Variants in HEPH observed in about 807,000 individuals in gnomAD.
HEPH encodes hephaestin.
In HEPH, 69 loss-of-function variants were observed where a neutral mutation model predicts 80.8. That is an observed-to-expected ratio of 0.85 (90% CI 0.70 to 1.04). HEPH has a LOEUF of 1.04. HEPH is among the 50% of genes least tolerant of loss of function. The probability of loss-of-function intolerance (pLI) is 0.00; values close to 1 mark genes in which losing one functional copy is unlikely to be tolerated. For missense variants in HEPH, 1,115 were observed against 891.3 expected (o/e 1.25, Z -3.20); for synonymous variants, 431 against 322.8 (o/e 1.34, Z -3.60).
chrX:66,198,351 T>A (rs1401210929), intron 10 of HEPH, among the ~76,000 whole-genome samples: 1 of 111,995 alleles, frequency 8.9e-6, no homozygotes, highest in Non-Finnish European at 1.9e-5. Context: ...TTTCCTCATT[T>A]GTAAAAATGG....
At chrX:66,258,403 T>A (rs761483100) in intron 17 of HEPH, among the ~76,000 whole-genome samples, 3 of 111,317 alleles carry the variant, frequency 2.7e-5, no homozygotes, top group Non-Finnish European at 5.7e-5. Flanking sequence ...TAGTAGGGAA[T>A]CTTAGAAACA....
chrX:66,176,929 A>T (rs1268643869), intron 4 of HEPH, among the ~76,000 whole-genome samples: 1 of 111,517 alleles, frequency 9.0e-6, no homozygotes, highest in Admixed American at 9.6e-5. Flanking sequence ...TGTCTAAAAC[A>T]CCAAAAGCAA....
Position 66,255,096 on chromosome X carries a change from T to C in HEPH, c.2625T>C (p.Ser875=), listed in dbSNP as rs780362408. The C allele has an allele frequency of 3.3e-6, 4 of 1,205,991 alleles. No individual in the cohort carries two copies. The highest frequency in any genetic ancestry group is 5.9e-5 in the East Asian group (2 of 33,646). Residue 875 remains serine (S), a synonymous_variant, in exon 16 of 21, where the codon TCT becomes TCC. Transcript: ENST00000343002. ...PERSGPGPND[S]ACVSWIYYSA... ...GGTCTGGCCCTGGGCCCAATGACTCTGCTTGTGTTTCCTGGATCTATTATT... is the reference window on the plus strand; with the variant it reads ...GGTCTGGCCCTGGGCCCAATGACTCCGCTTGTGTTTCCTGGATCTATTATT...
intron 20 of HEPH, among the ~76,000 whole-genome samples, chrX:66,264,191 TTACCTC>T (rs1273697438): frequency 1.9e-5 from 2 of 107,812 alleles, no homozygotes; most frequent in Non-Finnish European, 3.8e-5. Flanking sequence ...ATCCCAGACT[TTACCTC>T]TACACAATTC....
At chrX:66,246,965 A>AT (rs909579708) in intron 15 of HEPH, among the ~76,000 whole-genome samples, 8 of 111,579 alleles carry the variant, frequency 7.2e-5, no homozygotes, top group South Asian at 3.8e-4. Context: ...ATTGACGAGT[A>AT]TTTTTTTCTT....
chrX:66,242,691 C>T (rs1262709489), intron 15 of HEPH, among the ~76,000 whole-genome samples: 1 of 111,684 alleles, frequency 9.0e-6, no homozygotes, highest in African/African-American at 3.2e-5. Context: ...ACCCTATGGA[C>T]AAAAGACACG....
intron 15 of HEPH, among the ~76,000 whole-genome samples, chrX:66,227,425 G>A (rs2147978443): frequency 9.0e-6 from 1 of 111,023 alleles, no homozygotes; most frequent in African/African-American, 3.3e-5. Context: ...CATATTACTG[G>A]AAATCACACA....
intron 15 of HEPH, among the ~76,000 whole-genome samples, chrX:66,237,009 T>G (rs1371397940): frequency 9.0e-6 from 1 of 111,657 alleles, no homozygotes; most frequent in African/African-American, 3.3e-5. Context: ...ATATTCTTTC[T>G]TTCTTCTTTA....
chrX:66,246,100 G>A (rs1276261644), intron 15 of HEPH, among the ~76,000 whole-genome samples: 4 of 112,049 alleles, frequency 3.6e-5, no homozygotes, highest in Non-Finnish European at 7.5e-5. Context: ...GGACTGCTGG[G>A]TTGGAAGCTC....
Position 66,267,015 on chromosome X carries a change from A to T in HEPH, c.*343A>T, listed in dbSNP as rs920654016. 1.2e-5 allele frequency: 2 copies of T among 169,935 alleles called. No individual in the cohort carries two copies. Among genetic ancestry groups the T allele is most frequent in the African/African-American group, 6.1e-5 (2 of 32,776 alleles). 14.0% of individuals were successfully genotyped at this position (169,935 alleles called of 1,213,427 possible). On this transcript the variant is annotated 3_prime_UTR_variant, in exon 21 of 21. Transcript: ENST00000343002. Reference sequence around the variant, plus strand: ...CTTCTCACAAAGTAGAGACCAAGAGAAAAACTCATTGATTGGGTTTCTACT... The same window carrying T: ...CTTCTCACAAAGTAGAGACCAAGAGTAAAACTCATTGATTGGGTTTCTACT...
intron 2 of HEPH, chrX:66,171,380 A>G (rs1014355212): frequency 6.6e-6 from 1 of 150,706 alleles, no homozygotes; most frequent in Non-Finnish European, 1.3e-5. Flanking sequence ...TTGAACCTCG[A>G]TAATGAGAAT....
intron 15 of HEPH, among the ~76,000 whole-genome samples, chrX:66,236,903 G>T (rs1011735076): frequency 9.0e-6 from 1 of 111,500 alleles, no homozygotes; most frequent in African/African-American, 3.3e-5. Flanking sequence ...TAGTTTATGT[G>T]CATAGAGGTG....
intron 16 of HEPH, 139 bp from the exon 17 acceptor site, chrX:66,255,966 G>A (rs1361911862): frequency 1.3e-5 from 6 of 447,335 alleles, no homozygotes; most frequent in Middle Eastern, 6.1e-4. Flanking sequence ...ACATAGTGGG[G>A]TACTTATAAA....
chrX:66,184,056 G>C (rs2087284971), intron 4 of HEPH, among the ~76,000 whole-genome samples: 1 of 8,558 alleles, frequency 1.2e-4, no homozygotes. Context: ...ATTGCACTGT[G>C]GTCTGAGAGA....
chrX:66,170,949 A>G (rs888475466), intron 2 of HEPH, among the ~76,000 whole-genome samples: 2 of 111,576 alleles, frequency 1.8e-5, no homozygotes, highest in African/African-American at 6.5e-5. Context: ...ACATTTTTAG[A>G]GTCCTAAAGA....
Position 66,266,812 on chromosome X carries a change from T to TC in HEPH, c.*141dup. The TC allele has an allele frequency of 2.3e-6, 1 of 438,216 alleles. No homozygotes were observed. Among genetic ancestry groups the TC allele is most frequent in the South Asian group, 3.9e-5 (1 of 25,411 alleles). The allele number at this position is 438,216 out of a possible 1,213,427, so 36.1% of individuals were successfully genotyped here. On this transcript the variant is annotated 3_prime_UTR_variant, in exon 21 of 21. Transcript: ENST00000343002. ...GAGCAATCAAGCTTATCTGGATATT[T>TC]CTTTCTTTATTTATTTTACATGGAA... is the stretch of plus-strand genomic sequence containing the variant.
intron 15 of HEPH, among the ~76,000 whole-genome samples, chrX:66,238,502 G>A (rs1428503187): frequency 9.0e-6 from 1 of 111,109 alleles, no homozygotes; most frequent in Non-Finnish European, 1.9e-5. Context: ...CTATGATCAT[G>A]CCACTGCACT....
intron 15 of HEPH, among the ~76,000 whole-genome samples, chrX:66,215,747 T>C (rs583238): frequency 7.0e-4 from 78 of 110,780 alleles, no homozygotes; most frequent in African/African-American, 2.3e-3. Flanking sequence ...CACAGACCCT[T>C]TGATGGAGGT....
chrX:66,231,076 C>A (rs1390483788), intron 15 of HEPH, among the ~76,000 whole-genome samples: 2 of 109,206 alleles, frequency 1.8e-5, no homozygotes, highest in Admixed American at 2.0e-4. Flanking sequence ...TGTCAAAGAT[C>A]AGATAGTTGT....
Sources: gnomAD v4.1 joint callset for allele counts (sites outside exome capture counted in the v4.1 genomes callset) on GRCh38, gnomAD v4.1.1 for gene constraint, MANE v1.5 for transcripts, NCBI Gene and HGNC (gene_info 2026-07-23, HGNC 2026-07-21) for gene names.